SHPK: variants seen among roughly 807,000 people sequenced by gnomAD.
SHPK encodes sedoheptulokinase, also known as carbohydrate kinase-like protein.
SHPK carries 51 observed loss-of-function variants against 46.3 expected under a neutral mutation model. The ratio of observed to expected loss-of-function variants is 1.10; its 90% CI spans 0.88 to 1.39. SHPK has a LOEUF of 1.39. Among genes scored for constraint, SHPK ranks in the 40% most tolerant of loss-of-function variants. The pLI, the probability that SHPK is intolerant of heterozygous loss-of-function variation, is 0.00. For missense variants in SHPK, 668 were observed against 641.3 expected, an observed-to-expected ratio of 1.04 and a Z score of -0.45; for synonymous variants, 290 against 273.9, an observed-to-expected ratio of 1.06 and a Z score of -0.58.
At position 3,624,141 on chromosome 17, in the gene SHPK, C is replaced by G; in HGVS notation, c.401G>C (p.Ser134Thr). Residue 134 changes from serine to threonine, a missense_variant, in exon 3 of 7, where the codon AGC becomes ACC. Physicochemically the swap from Ser to Thr is moderately conservative, Grantham distance 58. Coordinates refer to ENST00000225519, the MANE Select transcript of SHPK (RefSeq NM_013276.4). The stretch of plus-strand genomic sequence containing the variant: ...CTGGGGCAGAGAGGCCAGGAATTCG[C>G]TGCTACATCGGCCATCCTGCCACGT... Reference protein sequence around the residue: ...LVTWQDGRCSSEFLASLPQPK... With the variant: ...LVTWQDGRCSTEFLASLPQPK... The G allele has an allele frequency of 6.2e-7, 1 of 1,614,190 alleles. No individual in the cohort carries two copies. Among genetic ancestry groups the G allele is most frequent in the Non-Finnish European group, 8.5e-7 (1 of 1,180,012 alleles).
intron 6 of SHPK, among the ~76,000 whole-genome samples, chr17:3,614,862 A>AG (rs1555553780): frequency 0.14 from 20,447 of 146,246 alleles, 4,737 homozygotes; most frequent in African/African-American, 0.49. Context: ...AAAAAAAAAA[A>AG]GAAGAAGAAG....
chr17:3,635,745 T>C (rs1375318315), intron 1 of SHPK, among the ~76,000 whole-genome samples: 2 of 151,216 alleles, frequency 1.3e-5, no homozygotes, highest in Non-Finnish European at 2.9e-5. Context: ...ACACAAGAGA[T>C]CAGTTCCTCC....
intron 2 of SHPK, among the ~76,000 whole-genome samples, chr17:3,628,417 G>C (rs896729281): frequency 6.6e-6 from 1 of 151,800 alleles, no homozygotes; most frequent in African/African-American, 2.4e-5. Context: ...CTGCCTCCCG[G>C]GTTCAAGTGA....
chr17:3,624,338 C>A, intron 2 of SHPK, 107 bp from the exon 3 acceptor site: 1 of 1,061,762 alleles, frequency 9.4e-7, no homozygotes, highest in Non-Finnish European at 1.4e-6. Context: ...GCGAATCGTC[C>A]CATGATAAAG....
Position 3,613,661 on chromosome 17 carries a change from G to A in SHPK, c.1024+1676C>T, listed in dbSNP as rs192218212. Reference sequence around the variant, plus strand: ...TGGGATTACAGGCATGAGCCACCGCGCCTGGCTATTTTATTTTTTAAATCA... The same window carrying A: ...TGGGATTACAGGCATGAGCCACCGCACCTGGCTATTTTATTTTTTAAATCA... On this transcript the variant is annotated intron_variant, in intron 6 of 6. Coordinates refer to ENST00000225519, the MANE Select transcript of SHPK (RefSeq NM_013276.4). Among the ~76,000 whole-genome samples the A allele has an allele frequency of 4.6e-3, 696 of 152,206 alleles. 12 individuals carry two copies. The highest frequency in any genetic ancestry group is 0.016 in the African/African-American group (663 of 41,524).
chr17:3,623,273 C>T (rs1277420369), intron 4 of SHPK, 66 bp downstream of exon 4: 1 of 1,572,042 alleles, frequency 6.4e-7, no homozygotes, highest in African/African-American at 1.4e-5. Flanking sequence ...CCCACTGAAG[C>T]ACTGGCTCCG....
chr17:3,615,401 T>C lies in SHPK; in HGVS notation c.960A>G (p.Ser320=). The change falls in exon 6 of 7, where the codon TCA becomes TCG. Residue 320 remains serine (S), a synonymous_variant. Coordinates refer to ENST00000225519, the MANE Select transcript of SHPK (RefSeq NM_013276.4). ...FNRTYLGVAA[S]LNGGNVLATF... ...TGGCCAGCACATTGCCCCCGTTGAG[T>C]GACGCGGCCACCCCCAGGTAGGTCC... is the stretch of plus-strand genomic sequence containing the variant. 1 of 1,614,142 alleles carries C rather than the reference T, an allele frequency of 6.2e-7. No individual in the cohort carries two copies. The highest frequency in any genetic ancestry group is 8.5e-7 in the Non-Finnish European group (1 of 1,180,014).
intron 1 of SHPK, among the ~76,000 whole-genome samples, chr17:3,633,869 G>A (rs1160239367): frequency 1.3e-5 from 2 of 151,964 alleles, no homozygotes; most frequent in African/African-American, 4.8e-5. Context: ...GATGGTTGCT[G>A]TGTCTGTGTA....
Position 3,636,049 on chromosome 17 carries a change from C to T in SHPK, c.168+3G>A. ...GCGGCGCGGCCCCGGGGGTCCAACT[C>T]ACCTGGGGCCCGGCCACCGCGCTCT... On this transcript the variant is annotated splice_donor_region_variant and intron_variant, in intron 1 of 6. Coordinates refer to ENST00000225519, the MANE Select transcript of SHPK (RefSeq NM_013276.4). The T allele has an allele frequency of 6.4e-7, 1 of 1,552,686 alleles. No homozygotes were observed. The highest frequency in any genetic ancestry group is 8.7e-7 in the Non-Finnish European group (1 of 1,151,706).
chr17:3,621,775 CCCTA>C (rs2075405032), intron 4 of SHPK, among the ~76,000 whole-genome samples: 1 of 151,964 alleles, frequency 6.6e-6, no homozygotes, highest in East Asian at 1.9e-4. Flanking sequence ...GCCTCAGCCT[CCCTA>C]ATAGCTGGGA....
chr17:3,615,989 G>A (rs1000003826), intron 5 of SHPK, among the ~76,000 whole-genome samples: 2 of 151,518 alleles, frequency 1.3e-5, no homozygotes, highest in African/African-American at 4.9e-5. Flanking sequence ...AAGTAGCTGC[G>A]ATTACAGGTA....
At chr17:3,629,192 C>G (rs2075455603) in intron 2 of SHPK, among the ~76,000 whole-genome samples, 1 of 152,120 alleles carries the variant, frequency 6.6e-6, no homozygotes, top group Non-Finnish European at 1.5e-5. Flanking sequence ...CCTCTCTGAA[C>G]CTCAACCTCT....
intron 2 of SHPK, among the ~76,000 whole-genome samples, chr17:3,625,865 C>T (rs995815642): frequency 2.0e-5 from 3 of 152,140 alleles, no homozygotes; most frequent in Non-Finnish European, 4.4e-5. Flanking sequence ...CCAGCCTGGA[C>T]AACATGGCGA....
chr17:3,636,004 T>C, intron 1 of SHPK, 48 bp downstream of exon 1: 1 of 1,482,380 alleles, frequency 6.7e-7, no homozygotes, highest in Non-Finnish European at 8.9e-7. Flanking sequence ...TGGAAAAGGG[T>C]GGTCAGGAGG....
intron 3 of SHPK, 137 bp from the exon 4 acceptor site, chr17:3,623,628 C>G: frequency 1.2e-6 from 1 of 844,692 alleles, no homozygotes. Flanking sequence ...TGGCTCAAGT[C>G]CAGCTGGGTC....
chr17:3,626,870 G>A (rs1309907064), intron 2 of SHPK, among the ~76,000 whole-genome samples: 2 of 151,712 alleles, frequency 1.3e-5, no homozygotes, highest in African/African-American at 4.9e-5. Flanking sequence ...ACTCCAGCCT[G>A]GGTGACAAGA....
At chr17:3,611,807 T>C (rs1351109489) in intron 6 of SHPK, among the ~76,000 whole-genome samples, 1 of 147,282 alleles carries the variant, frequency 6.8e-6, no homozygotes, top group Non-Finnish European at 1.5e-5. Context: ...GGTTTTTTTT[T>C]TTTTTTTTTT....
chr17:3,627,890 G>A (rs546504224), intron 2 of SHPK, among the ~76,000 whole-genome samples: 114 of 152,038 alleles, frequency 7.5e-4, no homozygotes, highest in East Asian at 1.4e-3. Flanking sequence ...CCTCTGAGAG[G>A]TTAGCCTTGA....
intron 2 of SHPK, 60 bp downstream of exon 2, chr17:3,630,145 A>G: frequency 6.2e-7 from 1 of 1,604,478 alleles, no homozygotes; most frequent in Non-Finnish European, 8.5e-7. Flanking sequence ...CCCGCACAGC[A>G]CTGCTCTAGT....
Sources: gnomAD v4.1 joint callset for allele counts (sites outside exome capture counted in the v4.1 genomes callset) on GRCh38, gnomAD v4.1.1 for gene constraint, MANE v1.5 for transcripts, NCBI Gene and HGNC (gene_info 2026-07-23, HGNC 2026-07-21) for gene names.